The following PTPRD variants were observed in gnomAD, a reference collection of about 807,000 sequenced individuals.
PTPRD encodes the protein protein tyrosine phosphatase receptor type D, also known as receptor-type tyrosine-protein phosphatase delta.
PTPRD carries 34 observed loss-of-function variants against 214.5 expected under a neutral mutation model. That is an observed-to-expected ratio of 0.16 (90% CI 0.12 to 0.21). The LOEUF (loss-of-function observed/expected upper bound fraction) is 0.21, where lower values mean the gene tolerates loss of function less well. Among genes scored for constraint, PTPRD ranks in the 10% least tolerant of loss-of-function variants. The pLI is 1.00. For missense variants in PTPRD, 2,545 were observed against 2,398.7 expected, an observed-to-expected ratio of 1.06 and a Z score of -1.27; for synonymous variants, 1,128 against 845.7, an observed-to-expected ratio of 1.33 and a Z score of -5.79.
intron 14 of PTPRD, among the ~76,000 whole-genome samples, chr9:8,556,475 G>A (rs2083787879): frequency 6.6e-6 from 1 of 152,038 alleles, no homozygotes; most frequent in South Asian, 2.1e-4. Flanking sequence ...GGATATTCAA[G>A]GCCACCAAAA....
intron 2 of PTPRD, among the ~76,000 whole-genome samples, chr9:10,533,968 A>G (rs10738166): frequency 0.23 from 35,410 of 151,120 alleles, 5,145 homozygotes; most frequent in Non-Finnish European, 0.32. Flanking sequence ...ATTTTTTTCT[A>G]AGGGAATATT....
intron 7 of PTPRD, among the ~76,000 whole-genome samples, chr9:9,624,296 T>G (rs994009745): frequency 3.9e-5 from 6 of 152,188 alleles, no homozygotes; most frequent in African/African-American, 9.6e-5. Flanking sequence ...TTTGTTTGTT[T>G]GTTTTTGACA....
intron 3 of PTPRD, among the ~76,000 whole-genome samples, chr9:10,290,280 A>G (rs1015812585): frequency 2.6e-5 from 4 of 152,106 alleles, no homozygotes; most frequent in African/African-American, 9.7e-5. Context: ...CCTTTGTATG[A>G]CAGGCTGATT....
chr9:9,984,743 C>A (rs1200325558), intron 4 of PTPRD, among the ~76,000 whole-genome samples: 1 of 151,968 alleles, frequency 6.6e-6, no homozygotes, highest in African/African-American at 2.4e-5. Flanking sequence ...GGACACAAAC[C>A]TGGGGCAGCA....
chr9:8,350,538 CT>C (rs2075159859), intron 39 of PTPRD, among the ~76,000 whole-genome samples: 1 of 152,070 alleles, frequency 6.6e-6, no homozygotes, highest in African/African-American at 2.4e-5. Flanking sequence ...TTTAATAAAA[CT>C]GTGATGTGAC....
intron 9 of PTPRD, among the ~76,000 whole-genome samples, chr9:9,327,823 T>A (rs1388095666): frequency 6.6e-6 from 1 of 151,954 alleles, no homozygotes; most frequent in African/African-American, 2.4e-5. Flanking sequence ...TCCAATCTTT[T>A]GGCTTCCCTG....
intron 9 of PTPRD, among the ~76,000 whole-genome samples, chr9:9,373,618 C>G (rs372530868): frequency 6.6e-6 from 1 of 152,126 alleles, no homozygotes; most frequent in Non-Finnish European, 1.5e-5. Context: ...ACTCCAATCT[C>G]TGATTCTGCC....
chr9:9,132,725 C>G (rs2099844662), intron 10 of PTPRD, among the ~76,000 whole-genome samples: 1 of 152,146 alleles, frequency 6.6e-6, no homozygotes, highest in Admixed American at 6.6e-5. Flanking sequence ...ATTAAATGAA[C>G]TGTAGGCAAT....
At chr9:9,426,878 A>G (rs1013704680) in intron 8 of PTPRD, among the ~76,000 whole-genome samples, 2 of 152,012 alleles carry the variant, frequency 1.3e-5, no homozygotes, top group Non-Finnish European at 2.9e-5. Flanking sequence ...ACAAACAGAA[A>G]GGGCATCTAC....
intron 42 of PTPRD, among the ~76,000 whole-genome samples, chr9:8,339,635 G>T (rs1044060283): frequency 1.3e-4 from 19 of 151,910 alleles, no homozygotes; most frequent in African/African-American, 4.4e-4. Flanking sequence ...TCTCTCCGGG[G>T]GCTCTACAAG....
At chr9:9,068,635 A>G (rs1422179988) in intron 10 of PTPRD, among the ~76,000 whole-genome samples, 3 of 149,254 alleles carry the variant, frequency 2.0e-5, no homozygotes, top group Non-Finnish European at 4.4e-5. Flanking sequence ...TTCTTTTGAG[A>G]TGGAGTCTCA....
intron 9 of PTPRD, among the ~76,000 whole-genome samples, chr9:9,257,989 C>A (rs1327304412): frequency 6.6e-6 from 1 of 151,794 alleles, no homozygotes; most frequent in Non-Finnish European, 1.5e-5. Flanking sequence ...ATTAGAAAAT[C>A]AGCTGTTAAA....
intron 10 of PTPRD, among the ~76,000 whole-genome samples, chr9:9,060,842 C>A (rs1286077609): frequency 2.6e-5 from 4 of 152,052 alleles, no homozygotes; most frequent in African/African-American, 9.7e-5. Context: ...ATTAAAATGT[C>A]TAACAATATT....
At chr9:8,915,717 C>G (rs1271871299) in intron 11 of PTPRD, among the ~76,000 whole-genome samples, 1 of 152,120 alleles carries the variant, frequency 6.6e-6, no homozygotes, top group East Asian at 1.9e-4. Flanking sequence ...TGTCCCAGCT[C>G]CAGGCAATCA....
intron 3 of PTPRD, among the ~76,000 whole-genome samples, chr9:10,277,747 A>G (rs942934833): frequency 1.3e-5 from 2 of 151,970 alleles, no homozygotes; most frequent in Admixed American, 6.6e-5. Context: ...TCTTACCTCA[A>G]GTGTCAAAGA....
At chr9:9,826,391 A>G (rs2052839921) in intron 5 of PTPRD, among the ~76,000 whole-genome samples, 1 of 151,828 alleles carries the variant, frequency 6.6e-6, no homozygotes, top group African/African-American at 2.4e-5. Context: ...TTGCCTTTCA[A>G]TTATTTAAAA....
intron 11 of PTPRD, among the ~76,000 whole-genome samples, chr9:9,018,222 C>T (rs2099544511): frequency 6.6e-6 from 1 of 152,106 alleles, no homozygotes; most frequent in Non-Finnish European, 1.5e-5. Flanking sequence ...TGTTCATACT[C>T]TCTGGTGTTA....
chr9:9,204,705 C>T (rs1464071153), intron 9 of PTPRD, among the ~76,000 whole-genome samples: 1 of 152,096 alleles, frequency 6.6e-6, no homozygotes, highest in Non-Finnish European at 1.5e-5. Context: ...CTGAAAAGAA[C>T]ATAAATAGTG....
intron 12 of PTPRD, among the ~76,000 whole-genome samples, chr9:8,658,027 A>T (rs891243693): frequency 1.3e-5 from 2 of 152,190 alleles, no homozygotes. Context: ...CTTTTTAATT[A>T]ATGATGTACA....
Sources: allele counts gnomAD v4.1 joint callset (sites outside exome capture counted in the v4.1 genomes callset), GRCh38; gene constraint gnomAD v4.1.1; transcripts MANE v1.5; gene names NCBI Gene and HGNC (gene_info 2026-07-23, HGNC 2026-07-21).